Variants in ARHGAP10 observed in about 807,000 individuals in gnomAD.
ARHGAP10 encodes Rho GTPase activating protein 10.
In ARHGAP10, 87 loss-of-function variants were observed where a neutral mutation model predicts 108.6. That is an observed-to-expected ratio of 0.80 (90% CI 0.67 to 0.96). The LOEUF is 0.96. ARHGAP10 is among the 40% of genes least tolerant of loss of function. ARHGAP10 has a pLI of 0.00. For synonymous variants in ARHGAP10, 347 were observed against 341.1 expected, an observed-to-expected ratio of 1.02 and a Z score of -0.19; for missense variants, 939 against 954.5, an observed-to-expected ratio of 0.98 and a Z score of 0.21.
chr4:148,010,687 A>G (rs1009557404), intron 18 of ARHGAP10, among the ~76,000 whole-genome samples: 3 of 152,170 alleles, frequency 2.0e-5, no homozygotes, highest in African/African-American at 7.2e-5. Context: ...ACTGTTATCT[A>G]TATATCATGA....
intron 16 of ARHGAP10, among the ~76,000 whole-genome samples, chr4:147,958,490 A>G (rs1386378064): frequency 2.0e-5 from 3 of 152,232 alleles, no homozygotes; most frequent in Non-Finnish European, 4.4e-5. Context: ...GTGTTTACCT[A>G]ACCAGAATGT....
At chr4:147,891,356 C>A (rs868812003) in intron 10 of ARHGAP10, among the ~76,000 whole-genome samples, 1 of 152,122 alleles carries the variant, frequency 6.6e-6, no homozygotes, top group Non-Finnish European at 1.5e-5. Context: ...TCATAAAAGG[C>A]CATGTATATA....
intron 3 of ARHGAP10, among the ~76,000 whole-genome samples, chr4:147,839,094 ATC>A (rs1408209907): frequency 3.9e-5 from 2 of 51,342 alleles, no homozygotes; most frequent in African/African-American, 1.7e-4. Flanking sequence ...GATCTATCGT[ATC>A]TATCTATCTA....
chr4:147,899,331 G>A (rs1003072966), intron 10 of ARHGAP10, among the ~76,000 whole-genome samples: 3 of 151,370 alleles, frequency 2.0e-5, no homozygotes, highest in Admixed American at 6.6e-5. Flanking sequence ...GTGCATGCGT[G>A]TGTGTGTGTG....
chr4:147,976,711 A>G (rs1739610296), intron 18 of ARHGAP10, among the ~76,000 whole-genome samples: 1 of 152,152 alleles, frequency 6.6e-6, no homozygotes, highest in Non-Finnish European at 1.5e-5. Context: ...TAGCTGTGGC[A>G]TTGGAAGCTT....
chr4:147,840,953 A>G (rs1157466736), intron 3 of ARHGAP10, among the ~76,000 whole-genome samples: 3 of 152,264 alleles, frequency 2.0e-5, no homozygotes, highest in Non-Finnish European at 4.4e-5. Flanking sequence ...CCTTTCAGGC[A>G]GGGTTTGGCA....
At chr4:147,952,930 A>G (rs953449597) in intron 15 of ARHGAP10, among the ~76,000 whole-genome samples, 2 of 152,036 alleles carry the variant, frequency 1.3e-5, no homozygotes, top group Admixed American at 6.6e-5. Context: ...TAATTTTTAC[A>G]TAAGATATGA....
chr4:148,049,873 T>C (rs1172266893), intron 20 of ARHGAP10, among the ~76,000 whole-genome samples: 1 of 83,494 alleles, frequency 1.2e-5, no homozygotes, highest in Non-Finnish European at 2.2e-5. Context: ...GTGGTGGCGG[T>C]GGGAGGGTGG....
At chr4:148,019,272 A>G (rs1191890297) in intron 18 of ARHGAP10, among the ~76,000 whole-genome samples, 1 of 152,222 alleles carries the variant, frequency 6.6e-6, no homozygotes, top group African/African-American at 2.4e-5. Flanking sequence ...GTCTGAATTC[A>G]TTTTTGTAAT....
At chr4:147,813,998 T>C (rs562285466) in intron 1 of ARHGAP10, among the ~76,000 whole-genome samples, 24 of 152,360 alleles carry the variant, frequency 1.6e-4, no homozygotes. Flanking sequence ...CAGTAATTTA[T>C]TTTCTTCTTT....
At chr4:147,781,843 T>G (rs954221753) in intron 1 of ARHGAP10, among the ~76,000 whole-genome samples, 9 of 152,156 alleles carry the variant, frequency 5.9e-5, no homozygotes, top group Admixed American at 5.2e-4. Flanking sequence ...TCTTTACGCG[T>G]CAGTATTTCC....
chr4:147,935,789 T>C (rs553761287), intron 13 of ARHGAP10, among the ~76,000 whole-genome samples: 1 of 152,358 alleles, frequency 6.6e-6, no homozygotes, highest in South Asian at 2.1e-4. Context: ...CTTGAGTGTA[T>C]GTATTTTACG....
intron 19 of ARHGAP10, among the ~76,000 whole-genome samples, chr4:148,031,023 C>G (rs917955265): frequency 6.6e-6 from 1 of 152,122 alleles, no homozygotes; most frequent in Non-Finnish European, 1.5e-5. Context: ...TATACCACTG[C>G]ACTCCAGCCT....
chr4:147,947,943 G>GTT (rs35309386), intron 15 of ARHGAP10, among the ~76,000 whole-genome samples: 5,578 of 117,964 alleles, frequency 0.047, 126 homozygotes, highest in African/African-American at 0.053. Flanking sequence ...ACCTGCCACT[G>GTT]TTTTTTTTTT....
rs11410393 is a variant in ARHGAP10 at position 147,857,534 on chromosome 4, G to GT, written c.385-9dup. 795,758 of 1,157,110 alleles carry GT rather than the reference G, an allele frequency of 0.69. 240,633 individuals carry two copies. The highest frequency in any genetic ancestry group is 0.76 in the Admixed American group (22,649 of 29,700). 71.7% of individuals were successfully genotyped at this position (1,157,110 alleles called of 1,614,324 possible). ...ATCCTTTTGTTTCTGTTTAATCATA[G>GT]TTTTTTTTTTATTTGTAGGAAGAAA... On this transcript the variant is annotated intron_variant, in intron 4 of 22. Coordinates refer to ENST00000336498, the MANE Select transcript of ARHGAP10 (RefSeq NM_024605.4).
rs543850834 is a variant in ARHGAP10, at chr4:147,818,625, C to T, written c.155-4102C>T. Among the ~76,000 whole-genome samples, 26 of 151,066 alleles carry T rather than the reference C, an allele frequency of 1.7e-4. No homozygotes were observed. In the South Asian group the frequency reaches 2.7e-3, roughly 16 times the overall value. On this transcript the variant is annotated intron_variant, in intron 1 of 22. Coordinates refer to ENST00000336498, the MANE Select transcript of ARHGAP10 (RefSeq NM_024605.4). The stretch of plus-strand genomic sequence containing the variant: ...TTCCTCTATTCTCCCTGCCCTGCAT[C>T]TAACCCAGGCAGAGATGTTGCTGGT...
chr4:147,736,180 G>T (rs1432677556), intron 1 of ARHGAP10, among the ~76,000 whole-genome samples: 3 of 151,714 alleles, frequency 2.0e-5, no homozygotes, highest in African/African-American at 7.3e-5. Context: ...TCATTAATGA[G>T]TCTGCTGTTA....
chr4:148,002,411 G>C (rs1472847019), intron 18 of ARHGAP10, among the ~76,000 whole-genome samples: 2 of 152,194 alleles, frequency 1.3e-5, no homozygotes, highest in Non-Finnish European at 1.5e-5. Flanking sequence ...TTGGTATCAA[G>C]ATGATGCTGG....
chr4:147,866,592 A>G, intron 6 of ARHGAP10, 120 bp from the exon 7 acceptor site: 1 of 659,406 alleles, frequency 1.5e-6, no homozygotes, highest in East Asian at 2.7e-5. Flanking sequence ...ACTTCCCTTT[A>G]ATCAGTTTAT....
Sources: allele counts gnomAD v4.1 joint callset (sites outside exome capture counted in the v4.1 genomes callset), GRCh38; gene constraint gnomAD v4.1.1; transcripts MANE v1.5; gene names NCBI Gene and HGNC (gene_info 2026-07-23, HGNC 2026-07-21).